Variants in CRACR2A observed in about 807,000 individuals in gnomAD.
CRACR2A encodes the protein EF-hand calcium-binding domain-containing protein 4B.
A neutral mutation model predicts 90.5 loss-of-function variants in CRACR2A; 79 were observed. That is an observed-to-expected ratio of 0.87 (90% CI 0.73 to 1.05). CRACR2A has a LOEUF of 1.05. Ranked by LOEUF, CRACR2A falls within the 50% of genes least tolerant of loss-of-function variation. The pLI is 0.00. For missense variants in CRACR2A, 823 were observed against 897.2 expected (o/e 0.92, Z 1.06); for synonymous variants, 338 against 356.7 (o/e 0.95, Z 0.59).
chr12:3,666,769 T>C (rs1945159116), intron 7 of CRACR2A, among the ~76,000 whole-genome samples: 1 of 152,360 alleles, frequency 6.6e-6, no homozygotes, highest in Admixed American at 6.5e-5. Flanking sequence ...TCCTGCTTTT[T>C]CTCTCCTTTG....
chr12:3,740,720 A>T (rs1219578345), intron 1 of CRACR2A, among the ~76,000 whole-genome samples: 1 of 152,188 alleles, frequency 6.6e-6, no homozygotes, highest in Non-Finnish European at 1.5e-5. Context: ...CGTGTACATA[A>T]TTTAACCCAT....
chr12:3,741,282 C>T lies in CRACR2A; in HGVS notation c.-386-8072G>A, dbSNP rs551293224. 8.5e-5 allele frequency among the ~76,000 whole-genome samples: 13 copies of T among 152,218 alleles called. No homozygotes were observed. The East Asian group carries it at 9.7e-4, about 11-fold the overall frequency. On this transcript the variant is annotated intron_variant, in intron 1 of 19. Coordinates refer to ENST00000440314, the MANE Select transcript of CRACR2A (RefSeq NM_001144958.2). Reference sequence around the variant, plus strand: ...TCCTGAGGGTCTTGATGTGACAGGCCGGAGAGCTCTGGGCTATGGGGCACC... The same window carrying T: ...TCCTGAGGGTCTTGATGTGACAGGCTGGAGAGCTCTGGGCTATGGGGCACC...
In CRACR2A at chr12:3,619,316, C is replaced by A; in HGVS notation, c.1989G>T (p.Glu663Asp). The A allele has an allele frequency of 6.4e-7, 1 of 1,551,704 alleles. No homozygotes were observed. The highest frequency in any genetic ancestry group is 8.7e-7 in the Non-Finnish European group (1 of 1,147,006). The part of the protein sequence containing the change: ...VLLLGNKLDN[E>D]KEREVPRGLG... Reference sequence around the variant, plus strand: ...GGCCCCGGGGGACTTCCCGCTCCTTCTCGTTGTCAAGCTTATTACCCAGCA... The same window carrying A: ...GGCCCCGGGGGACTTCCCGCTCCTTATCGTTGTCAAGCTTATTACCCAGCA... The change falls in exon 18 of 20, where the codon GAG (glutamate) becomes GAT (aspartate). Residue 663 changes from glutamate (E) to aspartate (D), a missense_variant. Coordinates refer to ENST00000440314, the MANE Select transcript of CRACR2A (RefSeq NM_001144958.2).
chr12:3,745,601 C>T (rs1946600245), intron 1 of CRACR2A, among the ~76,000 whole-genome samples: 1 of 151,700 alleles, frequency 6.6e-6, no homozygotes, highest in African/African-American at 2.4e-5. Context: ...TGGAGAAACC[C>T]CGTCTCTACT....
At chr12:3,671,048 A>C (rs1330052815) in intron 7 of CRACR2A, among the ~76,000 whole-genome samples, 3 of 152,154 alleles carry the variant, frequency 2.0e-5, no homozygotes, top group African/African-American at 7.2e-5. Context: ...CAACGTTTCG[A>C]GCACAATTAC....
At chr12:3,695,245 C>T (rs1945719355) in intron 4 of CRACR2A, among the ~76,000 whole-genome samples, 1 of 152,234 alleles carries the variant, frequency 6.6e-6, no homozygotes, top group Non-Finnish European at 1.5e-5. Flanking sequence ...ACCACCGCTA[C>T]TGCAGACCTG....
chr12:3,718,666 A>T (rs1162208248), intron 2 of CRACR2A, among the ~76,000 whole-genome samples: 1 of 152,270 alleles, frequency 6.6e-6, no homozygotes, highest in Non-Finnish European at 1.5e-5. Context: ...GGTTAAACAA[A>T]ATGTTATTAC....
At chr12:3,682,521 G>A (rs375439221) in intron 4 of CRACR2A, among the ~76,000 whole-genome samples, 1 of 152,120 alleles carries the variant, frequency 6.6e-6, no homozygotes, top group Non-Finnish European at 1.5e-5. Flanking sequence ...CAATATTATA[G>A]GTTCCAAGTA....
chr12:3,688,242 C>A (rs551668661), intron 4 of CRACR2A, among the ~76,000 whole-genome samples: 75 of 152,274 alleles, frequency 4.9e-4, no homozygotes, highest in African/African-American at 1.8e-3. Context: ...CTTTTGGCAT[C>A]TTCCTCATGA....
chr12:3,694,164 T>C (rs1945698989), intron 4 of CRACR2A, among the ~76,000 whole-genome samples: 1 of 152,206 alleles, frequency 6.6e-6, no homozygotes, highest in South Asian at 2.1e-4. Flanking sequence ...TGAAGATCTG[T>C]TAGGAGTGCA....
chr12:3,640,911 T>C (rs1458085165), intron 13 of CRACR2A: 2 of 1,012,746 alleles, frequency 2.0e-6, no homozygotes, highest in Non-Finnish European at 2.6e-6. Context: ...ATGTGTTATG[T>C]TTGAGTTAAT....
At chr12:3,693,817 TG>T in intron 4 of CRACR2A, among the ~76,000 whole-genome samples, 1 of 152,322 alleles carries the variant, frequency 6.6e-6, no homozygotes, top group South Asian at 2.1e-4. Flanking sequence ...AGTATCTTAC[TG>T]GGGTTCTTTG....
chr12:3,724,880 G>A (rs533445189), intron 2 of CRACR2A, among the ~76,000 whole-genome samples: 4 of 152,140 alleles, frequency 2.6e-5, no homozygotes, highest in East Asian at 1.9e-4. Flanking sequence ...GTGTGAACTC[G>A]CTTCCTGGGC....
intron 7 of CRACR2A, among the ~76,000 whole-genome samples, chr12:3,661,459 C>T (rs538597767): frequency 1.3e-5 from 2 of 152,300 alleles, no homozygotes; most frequent in South Asian, 2.1e-4. Flanking sequence ...GCTGGGACCC[C>T]GTCTTCATGG....
chr12:3,699,530 C>T (rs1459074038), intron 3 of CRACR2A, among the ~76,000 whole-genome samples: 1 of 152,152 alleles, frequency 6.6e-6, no homozygotes, highest in Non-Finnish European at 1.5e-5. Flanking sequence ...TATTAAATAG[C>T]TGTGTGACCT....
At chr12:3,716,507 G>A (rs1370538759) in intron 2 of CRACR2A, among the ~76,000 whole-genome samples, 1 of 152,206 alleles carries the variant, frequency 6.6e-6, no homozygotes. Flanking sequence ...GATGTCTATG[G>A]TGTTGGCCAT....
intron 1 of CRACR2A, among the ~76,000 whole-genome samples, chr12:3,739,880 G>A (rs1446269645): frequency 6.7e-6 from 1 of 150,370 alleles, no homozygotes; most frequent in African/African-American, 2.4e-5. Context: ...GTTGCAGTGA[G>A]CCGAGATCAC....
chr12:3,744,083 T>A (rs978571204), intron 1 of CRACR2A, among the ~76,000 whole-genome samples: 2 of 152,022 alleles, frequency 1.3e-5, no homozygotes, highest in African/African-American at 4.8e-5. Context: ...GCAAAACAGA[T>A]CATGACCAAG....
At chr12:3,712,310 A>G (rs1946016500) in intron 3 of CRACR2A, among the ~76,000 whole-genome samples, 1 of 151,908 alleles carries the variant, frequency 6.6e-6, no homozygotes, top group Non-Finnish European at 1.5e-5. Context: ...AATACTCGAG[A>G]CTGGGTAATT....
Sources: gnomAD v4.1 joint callset for allele counts (sites outside exome capture counted in the v4.1 genomes callset) on GRCh38, gnomAD v4.1.1 for gene constraint, MANE v1.5 for transcripts, NCBI Gene and HGNC (gene_info 2026-07-23, HGNC 2026-07-21) for gene names.